The following SEMA5B variants were observed in gnomAD, a reference collection of about 807,000 sequenced individuals.
SEMA5B encodes semaphorin 5B.
Under a neutral mutation model 135.0 loss-of-function variants are expected in SEMA5B, and 66 were observed. The ratio of observed to expected loss-of-function variants is 0.49; its 90% CI spans 0.40 to 0.60. SEMA5B has a LOEUF of 0.60. Among genes scored for constraint, SEMA5B ranks in the 20% least tolerant of loss-of-function variants. SEMA5B has a pLI of 0.00. For synonymous variants in SEMA5B, 690 were observed against 639.5 expected (o/e 1.08, Z -1.19); for missense variants, 1,501 against 1,566.3 (o/e 0.96, Z 0.70).
intron 1 of SEMA5B, among the ~76,000 whole-genome samples, chr3:122,997,030 C>T (rs990344510): frequency 1.3e-5 from 2 of 152,102 alleles, no homozygotes; most frequent in Non-Finnish European, 2.9e-5. Flanking sequence ...CCCGAAAAGG[C>T]TCTCTCCTGT....
intron 8 of SEMA5B, among the ~76,000 whole-genome samples, chr3:122,927,164 CAT>C (rs1333131341): frequency 6.6e-6 from 1 of 152,186 alleles, no homozygotes; most frequent in Non-Finnish European, 1.5e-5. Context: ...CTAGGAAACT[CAT>C]ATGGCCCTTT....
intron 1 of SEMA5B, among the ~76,000 whole-genome samples, chr3:123,002,760 A>G (rs1441950747): frequency 6.6e-6 from 1 of 152,252 alleles, no homozygotes; most frequent in Non-Finnish European, 1.5e-5. Flanking sequence ...TTTTGAGCAC[A>G]GGGTTATTTA....
intron 9 of SEMA5B, among the ~76,000 whole-genome samples, chr3:122,926,085 T>G (rs1477911598): frequency 6.6e-6 from 1 of 152,108 alleles, no homozygotes; most frequent in African/African-American, 2.4e-5. Flanking sequence ...TGCTGCCTGC[T>G]CCCCTCCCCT....
At chr3:122,911,657 T>C in intron 20 of SEMA5B, 122 bp from the exon 21 acceptor site, 1 of 1,073,882 alleles carries the variant, frequency 9.3e-7, no homozygotes, top group African/African-American at 1.6e-5. Flanking sequence ...TAGGTAGGCG[T>C]GGGGGCCTTC....
chr3:122,991,627 A>G (rs997404961), intron 1 of SEMA5B, among the ~76,000 whole-genome samples: 4 of 151,548 alleles, frequency 2.6e-5, no homozygotes, highest in African/African-American at 9.7e-5. Flanking sequence ...CCTCCACGCC[A>G]TGATTACTGA....
intron 2 of SEMA5B, among the ~76,000 whole-genome samples, chr3:122,955,155 G>A (rs943804613): frequency 9.9e-5 from 15 of 151,232 alleles, no homozygotes; most frequent in Admixed American, 2.0e-4. Context: ...AACAAAGGAC[G>A]TGACCTTTAG....
At chr3:123,025,310 G>T (rs1316196778) in intron 1 of SEMA5B, among the ~76,000 whole-genome samples, 1 of 152,038 alleles carries the variant, frequency 6.6e-6, no homozygotes, top group Non-Finnish European at 1.5e-5. Context: ...AAACCCTTGG[G>T]TCATCAGGCA....
intron 1 of SEMA5B, among the ~76,000 whole-genome samples, chr3:123,003,266 A>T (rs1267686206): frequency 1.3e-5 from 2 of 152,188 alleles, no homozygotes; most frequent in Non-Finnish European, 2.9e-5. Context: ...CACAGTAAAA[A>T]AGTGCCCCCA....
At chr3:122,933,537 C>T (rs960329944) in intron 5 of SEMA5B, among the ~76,000 whole-genome samples, 10 of 152,192 alleles carry the variant, frequency 6.6e-5, no homozygotes, top group South Asian at 4.1e-4. Context: ...TGCCTTAGGA[C>T]GGGTCTTTTT....
chr3:122,939,493 C>G, intron 4 of SEMA5B, 23 bp from the exon 5 acceptor site: 1 of 1,605,130 alleles, frequency 6.2e-7, no homozygotes, highest in Non-Finnish European at 8.5e-7. Flanking sequence ...AAACAGACAT[C>G]CTAAGTGACG....
chr3:122,968,034 C>T (rs187224870), intron 1 of SEMA5B, among the ~76,000 whole-genome samples: 8 of 152,360 alleles, frequency 5.3e-5, no homozygotes, highest in Admixed American at 1.3e-4. Context: ...CTGACCTCCC[C>T]GGCTACCACC....
At chr3:122,939,540 G>A in intron 4 of SEMA5B, 70 bp from the exon 5 acceptor site, 2 of 1,260,850 alleles carry the variant, frequency 1.6e-6, no homozygotes, top group South Asian at 2.4e-5. Context: ...GCAGCCTCCT[G>A]GCTTGGGCCT....
intron 2 of SEMA5B, among the ~76,000 whole-genome samples, chr3:122,951,207 T>A (rs1280437365): frequency 6.6e-6 from 1 of 152,046 alleles, no homozygotes; most frequent in Non-Finnish European, 1.5e-5. Context: ...AAAAGCAAGA[T>A]GCAGAACAGC....
intron 1 of SEMA5B, among the ~76,000 whole-genome samples, chr3:122,992,001 TCTC>T (rs1941894874): frequency 6.6e-6 from 1 of 151,980 alleles, no homozygotes; most frequent in Non-Finnish European, 1.5e-5. Flanking sequence ...ACCTCCTAGA[TCTC>T]CTTATTCCCG....
At chr3:122,921,841 C>A (rs1181055016) in intron 12 of SEMA5B, 74 bp downstream of exon 12, 1 of 1,326,620 alleles carries the variant, frequency 7.5e-7, no homozygotes, top group Non-Finnish European at 1.0e-6. Flanking sequence ...CCCAGGTCTC[C>A]CGGGTCCAAA....
intron 1 of SEMA5B, among the ~76,000 whole-genome samples, chr3:122,978,753 T>C (rs10934631): frequency 0.29 from 44,537 of 152,010 alleles, 8,874 homozygotes; most frequent in African/African-American, 0.58. Flanking sequence ...GGGCCTTGCG[T>C]GATGGGGAGT....
intron 3 of SEMA5B, 107 bp from the exon 4 acceptor site, chr3:122,943,642 G>T (rs534137074): frequency 1.0e-5 from 8 of 790,642 alleles, no homozygotes; most frequent in Middle Eastern, 3.4e-4. Flanking sequence ...GAAGTGGGGC[G>T]GTGGCACCCG....
At chr3:122,965,534 A>T (rs2107621326) in intron 1 of SEMA5B, among the ~76,000 whole-genome samples, 1 of 152,324 alleles carries the variant, frequency 6.6e-6, no homozygotes, top group East Asian at 1.9e-4. Context: ...TAACCATAAG[A>T]CAAGAGACAA....
chr3:122,946,653 A>C (rs1296790237), intron 3 of SEMA5B, among the ~76,000 whole-genome samples: 2 of 152,160 alleles, frequency 1.3e-5, no homozygotes, highest in African/African-American at 4.8e-5. Context: ...AGCTGGGCTG[A>C]GGGACCAAAG....
Sources: gnomAD v4.1 joint callset for allele counts (sites outside exome capture counted in the v4.1 genomes callset) on GRCh38, gnomAD v4.1.1 for gene constraint, MANE v1.5 for transcripts, NCBI Gene and HGNC (gene_info 2026-07-23, HGNC 2026-07-21) for gene names.